The following DNER variants were observed in gnomAD, a reference collection of about 807,000 sequenced individuals.
The protein encoded by DNER is delta/notch like EGF repeat containing.
A neutral mutation model predicts 78.2 loss-of-function variants in DNER; 33 were observed. That is an observed-to-expected ratio of 0.42 (90% CI 0.32 to 0.56). DNER has a LOEUF of 0.56. Among genes scored for constraint, DNER ranks in the 20% least tolerant of loss-of-function variants. The pLI is 0.11. For synonymous variants in DNER, 417 were observed against 384.8 expected (o/e 1.08, Z -0.98); for missense variants, 918 against 975.3 (o/e 0.94, Z 0.78).
At chr2:229,514,823 C>T (rs765141422) in intron 5 of DNER, among the ~76,000 whole-genome samples, 3 of 152,154 alleles carry the variant, frequency 2.0e-5, no homozygotes, top group African/African-American at 7.2e-5. Flanking sequence ...CACAAACCAA[C>T]CAAGAGGCCA....
intron 11 of DNER, among the ~76,000 whole-genome samples, chr2:229,370,703 A>G (rs1215384240): frequency 1.3e-5 from 2 of 152,218 alleles, no homozygotes; most frequent in African/African-American, 4.8e-5. Context: ...CAGGAGTCCA[A>G]CACTCAGCAG....
chr2:229,640,671 G>A (rs1045997505), intron 1 of DNER, among the ~76,000 whole-genome samples: 1 of 152,220 alleles, frequency 6.6e-6, no homozygotes, highest in African/African-American at 2.4e-5. Context: ...AACAATGTGT[G>A]CACAATAAAA....
chr2:229,694,516 T>C (rs1009313889), intron 1 of DNER, among the ~76,000 whole-genome samples: 2 of 152,186 alleles, frequency 1.3e-5, no homozygotes, highest in Admixed American at 1.3e-4. Flanking sequence ...AGTCACAGGG[T>C]CAGAGTGGCC....
At chr2:229,365,776 C>A (rs1036185422) in intron 12 of DNER, among the ~76,000 whole-genome samples, 1 of 152,132 alleles carries the variant, frequency 6.6e-6, no homozygotes, top group African/African-American at 2.4e-5. Context: ...ATAGGACATC[C>A]CAAGATAGAT....
intron 1 of DNER, among the ~76,000 whole-genome samples, chr2:229,680,727 T>G (rs1699372714): frequency 6.6e-6 from 1 of 152,224 alleles, no homozygotes; most frequent in Non-Finnish European, 1.5e-5. Context: ...AACTAATGAT[T>G]GCCTTTTCAT....
intron 2 of DNER, among the ~76,000 whole-genome samples, chr2:229,589,876 C>G (rs567288433): frequency 4.1e-4 from 60 of 145,602 alleles, no homozygotes; most frequent in African/African-American, 1.5e-3. Flanking sequence ...GCCCTGCAGT[C>G]TGAATGTGGC....
chr2:229,635,031 T>C (rs1423029769), intron 1 of DNER, among the ~76,000 whole-genome samples: 1 of 152,224 alleles, frequency 6.6e-6, no homozygotes, highest in Non-Finnish European at 1.5e-5. Flanking sequence ...CTGGTAGCAG[T>C]GTCTGTGTTG....
chr2:229,379,088 G>A (rs777450220), intron 11 of DNER, among the ~76,000 whole-genome samples: 31 of 152,106 alleles, frequency 2.0e-4, no homozygotes, highest in South Asian at 2.1e-4. Flanking sequence ...TGAACACGGC[G>A]TCCAGGTATG....
chr2:229,418,782 G>C (rs1021572277), intron 8 of DNER, among the ~76,000 whole-genome samples: 1 of 152,034 alleles, frequency 6.6e-6, no homozygotes, highest in Non-Finnish European at 1.5e-5. Flanking sequence ...TTAGCCAGGC[G>C]TGGTGGCGGG....
At chr2:229,429,533 G>A (rs796914849) in intron 8 of DNER, among the ~76,000 whole-genome samples, 10 of 152,340 alleles carry the variant, frequency 6.6e-5, no homozygotes, top group African/African-American at 2.4e-4. Context: ...TGGTCACCTG[G>A]CCTGTGAGGC....
At chr2:229,359,627 G>C (rs1295830879) in intron 12 of DNER, among the ~76,000 whole-genome samples, 1 of 151,956 alleles carries the variant, frequency 6.6e-6, no homozygotes, top group Admixed American at 6.5e-5. Context: ...CCTAGGATGG[G>C]GTCCCTAGGA....
intron 1 of DNER, among the ~76,000 whole-genome samples, chr2:229,711,417 C>G (rs538552026): frequency 1.9e-4 from 29 of 152,172 alleles, no homozygotes; most frequent in Non-Finnish European, 3.7e-4. Context: ...TTCAAACCCA[C>G]ACGACCTACA....
intron 11 of DNER, among the ~76,000 whole-genome samples, chr2:229,375,649 G>T (rs933322870): frequency 6.6e-5 from 10 of 152,204 alleles, no homozygotes; most frequent in African/African-American, 2.4e-4. Flanking sequence ...CTCATGAAAA[G>T]TTAAAAGATA....
At chr2:229,652,794 T>C (rs1698843631) in intron 1 of DNER, among the ~76,000 whole-genome samples, 1 of 152,222 alleles carries the variant, frequency 6.6e-6, no homozygotes, top group African/African-American at 2.4e-5. Flanking sequence ...TGCCTAAAAA[T>C]AGTTCTTCAC....
intron 7 of DNER, among the ~76,000 whole-genome samples, chr2:229,476,237 G>A (rs908626697): frequency 2.0e-5 from 3 of 152,068 alleles, no homozygotes; most frequent in Admixed American, 6.6e-5. Context: ...TCACTTCTCC[G>A]AAATATTCGA....
At chr2:229,552,439 G>A (rs1559164665) in intron 4 of DNER, among the ~76,000 whole-genome samples, 2 of 152,324 alleles carry the variant, frequency 1.3e-5, no homozygotes, top group South Asian at 2.1e-4. Flanking sequence ...ATTGTGAATT[G>A]TTGTTCCCAT....
At position 229,385,416 on chromosome 2, in the gene DNER, C is replaced by G. The variant is rs147969578; in HGVS notation, c.1855+2849G>C. ...ATTCCTTTTGAAAACTGGCACAAGA[C>G]AAGGATGCCTTCTCTCACCACTGCT... On this transcript the variant is annotated intron_variant, in intron 11 of 12. Transcript: ENST00000341772. 2.9e-3 allele frequency among the ~76,000 whole-genome samples: 437 copies of G among 152,286 alleles called. 2 individuals are homozygous for G. Among genetic ancestry groups the G allele is most frequent in the Non-Finnish European group, 5.0e-3 (341 of 68,038 alleles).
At chr2:229,597,370 A>G (rs866682969) in intron 1 of DNER, among the ~76,000 whole-genome samples, 1 of 152,206 alleles carries the variant, frequency 6.6e-6, no homozygotes, top group Non-Finnish European at 1.5e-5. Context: ...AATCATAAAT[A>G]TTTATCTTAA....
chr2:229,450,846 T>C (rs1264944106), intron 7 of DNER, among the ~76,000 whole-genome samples: 2 of 152,204 alleles, frequency 1.3e-5, no homozygotes, highest in African/African-American at 4.8e-5. Context: ...CCTCCAAAGC[T>C]AGAAAAAGAT....
Sources: gnomAD v4.1 joint callset for allele counts (sites outside exome capture counted in the v4.1 genomes callset) on GRCh38, gnomAD v4.1.1 for gene constraint, MANE v1.5 for transcripts, NCBI Gene and HGNC (gene_info 2026-07-23, HGNC 2026-07-21) for gene names.